CTU2: variants seen among roughly 807,000 people sequenced by gnomAD.
CTU2 encodes the protein cytosolic thiouridylase subunit 2, also known as cytoplasmic tRNA 2-thiolation protein 2.
A neutral mutation model predicts 64.1 loss-of-function variants in CTU2; 80 were observed. The ratio of observed to expected loss-of-function variants is 1.25; its 90% confidence interval spans 1.04 to 1.50. The LOEUF is 1.50. Among genes scored for constraint, CTU2 ranks in the 40% most tolerant of loss-of-function variants. The pLI is 0.00. For synonymous variants in CTU2, 482 were observed against 285.3 expected (o/e 1.69, Z -6.95); for missense variants, 1,110 against 690.2 (o/e 1.61, Z -6.81).
rs1186578336 is a variant in CTU2, at chr16:88,715,209, C to T, written c.1506C>T (p.Asp502=). 14 of 1,612,204 alleles carry T rather than the reference C, an allele frequency of 8.7e-6. No homozygotes were observed. The highest frequency in any genetic ancestry group is 9.3e-6 in the Non-Finnish European group (11 of 1,179,914). The stretch of plus-strand genomic sequence containing the variant: ...CCTGGGGCTTGCAGGAGATCCGGGA[C>T]TGTCTGATTGAGGACAGTGACGACG... ...QRAWGLQEIR[D]CLIEDSDDEA... Residue 502 remains aspartate (D), a synonymous_variant, in exon 15 of 15, where the codon GAC becomes GAT. Coordinates refer to ENST00000453996, the MANE Select transcript of CTU2 (RefSeq NM_001012759.3).
chr16:88,708,545 G>A (rs540382555), intron 2 of CTU2, among the ~76,000 whole-genome samples: 1 of 152,282 alleles, frequency 6.6e-6, no homozygotes, highest in Admixed American at 6.5e-5. Context: ...CCAAAGCTGG[G>A]TCCTGGGGGT....
In CTU2 at chr16:88,714,451, T is replaced by G; in HGVS notation, c.1166T>G (p.Leu389Arg). 1.2e-6 allele frequency: 2 copies of G among 1,612,512 alleles called. No individual in the cohort carries two copies. The highest frequency in any genetic ancestry group is 1.7e-6 in the Non-Finnish European group (2 of 1,179,804). The change falls in exon 11 of 15, where the codon CTC (leucine) becomes CGC (arginine). Residue 389 changes from leucine (L) to arginine (R), a missense_variant. Transcript: ENST00000453996. ...PAAGDSGPRC[L>R]LCMCALDVDA... ...GCTGGCGACTCCGGCCCCCGCTGCC[T>G]CCTCTGCATGTGTGCCCTGGACGTC...
chr16:88,709,152 G>A (rs1911126133), intron 2 of CTU2: 1 of 152,250 alleles, frequency 6.6e-6, no homozygotes, highest in South Asian at 2.1e-4. Flanking sequence ...GCATATATCT[G>A]TAACCTGTAG....
Position 88,714,848 on chromosome 16 carries a change from C to G in CTU2, c.1353-12C>G. Reference sequence around the variant, plus strand: ...TGCCAAGGTGGGCACACAGCCAGCTCTGCTCCCGCAGGGAGGACCCCCAAG... The same window carrying G: ...TGCCAAGGTGGGCACACAGCCAGCTGTGCTCCCGCAGGGAGGACCCCCAAG... On this transcript the variant is annotated splice_polypyrimidine_tract_variant and intron_variant, in intron 12 of 14. Transcript: ENST00000453996. The G allele has an allele frequency of 6.2e-7, 1 of 1,612,548 alleles. No individual in the cohort carries two copies. The highest frequency in any genetic ancestry group is 8.5e-7 in the Non-Finnish European group (1 of 1,179,836).
In CTU2 at chr16:88,714,929, G is replaced by A. The variant is rs1222998856; in HGVS notation, c.1419+3G>A. The A allele has an allele frequency of 3.7e-6, 6 of 1,612,514 alleles. No individual in the cohort carries two copies. Among genetic ancestry groups the A allele is most frequent in the Admixed American group, 1.7e-5 (1 of 59,998 alleles). On this transcript the variant is annotated splice_donor_region_variant and intron_variant, in intron 13 of 14. Coordinates refer to ENST00000453996, the MANE Select transcript of CTU2 (RefSeq NM_001012759.3). The stretch of plus-strand genomic sequence containing the variant: ...GCCGCGTGAACATGAAGGACTTGGT[G>A]AGTACGTGCCCACCTGTCCTGGGCC...
At chr16:88,711,723 C>T (rs777793411) in intron 5 of CTU2, 28 bp downstream of exon 5, 1 of 1,597,090 alleles carries the variant, frequency 6.3e-7, no homozygotes, top group Non-Finnish European at 8.6e-7. Flanking sequence ...TCCTCCTAGT[C>T]CCTGGCCACT....
In CTU2 at chr16:88,714,926, G is replaced by C. The variant is rs1911804319; in HGVS notation, c.1419G>C (p.Leu473Phe). 6.2e-7 allele frequency: 1 copy of C among 1,612,634 alleles called. No homozygotes were observed. Residue 473 changes from leucine (L) to phenylalanine (F), a missense_variant and splice_region_variant, in exon 13 of 15, where the codon TTG (leucine) becomes TTC (phenylalanine). Transcript: ENST00000453996. ...GCTGCCGCGTGAACATGAAGGACTT[G>C]GTGAGTACGTGCCCACCTGTCCTGG... ...CYSCRVNMKDLPSLDPLPPYI... is the reference protein window; with the variant it reads ...CYSCRVNMKDFPSLDPLPPYI...
At position 88,709,953 on chromosome 16, in the gene CTU2, C is replaced by A; in HGVS notation, c.159C>A (p.Ala53=). The A allele has an allele frequency of 6.2e-7, 1 of 1,613,980 alleles. No individual in the cohort carries two copies. The highest frequency in any genetic ancestry group is 8.5e-7 in the Non-Finnish European group (1 of 1,179,998). Residue 53 remains alanine (A), a synonymous_variant, in exon 3 of 15, where the codon GCC becomes GCA. Coordinates refer to ENST00000453996, the MANE Select transcript of CTU2 (RefSeq NM_001012759.3). ...TGTGTTGCAGGGACTGTTTCAAGGC[C>A]TTCTACGTCCACAAGTTCAGAGCCA... is the stretch of plus-strand genomic sequence containing the variant. ...GDAFCRDCFK[A]FYVHKFRAML...
At position 88,714,147 on chromosome 16, in the gene CTU2, G is replaced by T; in HGVS notation, c.1017G>T (p.Lys339Asn). The T allele has an allele frequency of 6.2e-7, 1 of 1,612,688 alleles. No homozygotes were observed. The highest frequency in any genetic ancestry group is 8.5e-7 in the Non-Finnish European group (1 of 1,179,886). ...TPAVDTKAPE[K>N]ASIHRLMEAF... Reference sequence around the variant, plus strand: ...CTGATTGTCCCTAGGCCCCTGAAAAGGCCAGCATCCACCGGCTGATGGAGG... The same window carrying T: ...CTGATTGTCCCTAGGCCCCTGAAAATGCCAGCATCCACCGGCTGATGGAGG... The change falls in exon 10 of 15, where the codon AAG becomes AAT. Residue 339 changes from lysine to asparagine, a missense_variant. Coordinates refer to ENST00000453996, the MANE Select transcript of CTU2 (RefSeq NM_001012759.3).
At position 88,709,985 on chromosome 16, in the gene CTU2, G is replaced by T. The variant is rs1294907971; in HGVS notation, c.191G>T (p.Gly64Val). ...FYVHKFRAML[G>V]KNRLIFPGEK... ...GTCCACAAGTTCAGAGCCATGCTGG[G>T]CAAGAACCGGCTCATCTTTCCAGGC... The change falls in exon 3 of 15, where the codon GGC becomes GTC. Residue 64 changes from glycine to valine, a missense_variant. Transcript: ENST00000453996. 1 of 1,613,928 alleles carries T rather than the reference G, an allele frequency of 6.2e-7. No individual in the cohort carries two copies. Among genetic ancestry groups the T allele is most frequent in the Non-Finnish European group, 8.5e-7 (1 of 1,180,016 alleles).
Position 88,713,730 on chromosome 16 carries a change from C to T in CTU2, c.957C>T (p.Asn319=), listed in dbSNP as rs1319508247. The change falls in exon 9 of 15, where the codon AAC becomes AAT. Residue 319 remains asparagine, a synonymous_variant. Transcript: ENST00000453996. The part of the protein sequence containing the change: ...DHTLKEVAFY[N]RLFSVPSVFT... ...CCCTGAAGGAGGTCGCTTTCTACAA[C>T]CGCCTGTTCTCCGTTCCTTCTGTCT... The T allele has an allele frequency of 3.1e-6, 5 of 1,612,622 alleles. No homozygotes were observed. Among genetic ancestry groups the T allele is most frequent in the Non-Finnish European group, 4.2e-6 (5 of 1,179,920 alleles).
In CTU2 at chr16:88,711,691, T is replaced by G. The variant is rs1911333337; in HGVS notation, c.339T>G (p.Val113=). The change falls in exon 5 of 15, where the codon GTT becomes GTG. Residue 113 remains valine, a synonymous_variant. Coordinates refer to ENST00000453996, the MANE Select transcript of CTU2 (RefSeq NM_001012759.3). ...RLRFVAGVIF[V]DEGAACGQSL... ...GCTTTGTGGCAGGAGTCATCTTTGT[T>G]GACGGTATGTGGGGCCATTGCTCCT... 1 of 1,608,834 alleles carries G rather than the reference T, an allele frequency of 6.2e-7. No individual in the cohort carries two copies. Among genetic ancestry groups the G allele is most frequent in the Non-Finnish European group, 8.5e-7 (1 of 1,176,732 alleles).
chr16:88,710,430 TCAC>T, intron 4 of CTU2, 148 bp downstream of exon 4: 1 of 712,178 alleles, frequency 1.4e-6, no homozygotes, highest in Non-Finnish European at 2.3e-6. Context: ...TCAGATGTGT[TCAC>T]AACAGGTGCA....
At position 88,715,350 on chromosome 16, in the gene CTU2, T is replaced by C. The variant is rs1272721802; in HGVS notation, c.*99T>C. On this transcript the variant is annotated 3_prime_UTR_variant, in exon 15 of 15. Coordinates refer to ENST00000453996, the MANE Select transcript of CTU2 (RefSeq NM_001012759.3). ...CGGGGGACTGGCCTCTGATTGTCCA[T>C]TTGTATAAATAAAACATTTTTTAAT... The C allele has an allele frequency of 1.1e-5, 14 of 1,268,052 alleles. No homozygotes were observed. The highest frequency in any genetic ancestry group is 3.0e-5 in the African/African-American group (2 of 66,192). The allele number at this position is 1,268,052 out of a possible 1,614,324, so 78.6% of individuals were successfully genotyped here.
rs1911592441 is a variant in CTU2, at chr16:88,713,784, C to T, written c.1005+6C>T. ...CACCAGCCGTCGACACCAAGGTGGGCCTTGTGGGCTGGGCAACCTCTCTCA... is the reference window on the plus strand; with the variant it reads ...CACCAGCCGTCGACACCAAGGTGGGTCTTGTGGGCTGGGCAACCTCTCTCA... On this transcript the variant is annotated splice_donor_region_variant and intron_variant, in intron 9 of 14. Coordinates refer to ENST00000453996, the MANE Select transcript of CTU2 (RefSeq NM_001012759.3). The T allele has an allele frequency of 3.1e-6, 5 of 1,612,212 alleles. No homozygotes were observed. The highest frequency in any genetic ancestry group is 4.2e-6 in the Non-Finnish European group (5 of 1,179,620).
rs940863538 is a variant in CTU2 at position 88,715,058 on chromosome 16, A to C, written c.1430A>C (p.Asp477Ala). Residue 477 changes from aspartate to alanine, a missense_variant, in exon 14 of 15, where the codon GAC (aspartate) becomes GCC (alanine). By Grantham distance (126) the Asp-to-Ala change is moderately radical. Transcript: ENST00000453996. Reference sequence around the variant, plus strand: ...CGGCCTCTGTTGCAGCCCTCACTGGACCCCCTGCCGCCGTACATCCTGGCT... The same window carrying C: ...CGGCCTCTGTTGCAGCCCTCACTGGCCCCCCTGCCGCCGTACATCCTGGCT... ...RVNMKDLPSL[D>A]PLPPYILAEA... The C allele has an allele frequency of 9.5e-6, 15 of 1,571,234 alleles. No individual in the cohort carries two copies. The highest frequency in any genetic ancestry group is 1.7e-4 in the Middle Eastern group (1 of 5,876).
chr16:88,713,818 A>G (rs754425574), intron 9 of CTU2, 40 bp downstream of exon 9: 1 of 1,610,068 alleles, frequency 6.2e-7, no homozygotes, highest in South Asian at 1.1e-5. Context: ...CACCATTGAC[A>G]CCGGGGTGGG....
Position 88,715,049 on chromosome 16 carries a change from C to T in CTU2, c.1421C>T (p.Pro474Leu), listed in dbSNP as rs918775214. 6 of 1,573,178 alleles carry T rather than the reference C, an allele frequency of 3.8e-6. No individual in the cohort carries two copies. In the African/African-American group the frequency reaches 8.1e-5, roughly 21 times the overall value. Residue 474 changes from proline to leucine, a missense_variant and splice_region_variant, in exon 14 of 15, where the codon CCC (proline) becomes CTC (leucine). By Grantham distance (98) the Pro-to-Leu change is moderately conservative. Transcript: ENST00000453996. ...YSCRVNMKDL[P>L]SLDPLPPYIL... ...CCTCGACACCGGCCTCTGTTGCAGC[C>T]CTCACTGGACCCCCTGCCGCCGTAC...
chr16:88,706,657 C>T, intron 1 of CTU2, 59 bp downstream of exon 1: 2 of 1,228,510 alleles, frequency 1.6e-6, no homozygotes, highest in Non-Finnish European at 1.1e-6. Context: ...GCACTCCTGC[C>T]CCGAAGGGTC....
Sources: allele counts gnomAD v4.1 joint callset (sites outside exome capture counted in the v4.1 genomes callset), GRCh38; gene constraint gnomAD v4.1.1; transcripts MANE v1.5; gene names NCBI Gene and HGNC (gene_info 2026-07-23, HGNC 2026-07-21).